Variants in KCNMB2 observed in about 807,000 individuals in gnomAD.
The protein encoded by KCNMB2 is potassium calcium-activated channel subfamily M regulatory beta subunit 2, also known as calcium-activated potassium channel subunit beta-2.
Under a neutral mutation model 24.5 loss-of-function variants are expected in KCNMB2, and 9 were observed. The ratio of observed to expected loss-of-function variants is 0.37; its 90% CI spans 0.22 to 0.64. KCNMB2 has a LOEUF of 0.64. Among genes scored for constraint, KCNMB2 ranks in the 30% least tolerant of loss-of-function variants. The pLI is 0.63. For missense variants in KCNMB2, 226 were observed against 284.3 expected (o/e 0.79, Z 1.47); for synonymous variants, 109 against 104.4 (o/e 1.04, Z -0.27).
Position 178,642,010 on chromosome 3 carries a change from A to C in KCNMB2, c.-68+105299A>C, listed in dbSNP as rs138222797. On this transcript the variant is annotated intron_variant, in intron 1 of 4. Transcript: ENST00000452583. ...TAAGCCATCTGGAGATTTTTATAAG[A>C]CTTACTAAATAGCTAGGATTTTGCC... Among the ~76,000 whole-genome samples, 76 of 152,256 alleles carry C rather than the reference A, an allele frequency of 5.0e-4. 1 individual carries two copies. The highest frequency in any genetic ancestry group is 1.7e-3 in the African/African-American group (72 of 41,568).
chr3:178,549,703 G>C (rs562343243), intron 1 of KCNMB2, among the ~76,000 whole-genome samples: 38 of 152,022 alleles, frequency 2.5e-4, no homozygotes, highest in Admixed American at 9.8e-4. Context: ...TCTAATGAGA[G>C]AGTTCTGTTA....
chr3:178,635,016 T>G (rs752100414), intron 1 of KCNMB2, among the ~76,000 whole-genome samples: 9 of 152,096 alleles, frequency 5.9e-5, no homozygotes, highest in Non-Finnish European at 8.8e-5. Flanking sequence ...GCTCCTGGAC[T>G]GTGGTGATGG....
intron 2 of KCNMB2, among the ~76,000 whole-genome samples, chr3:178,819,281 A>G (rs1714530347): frequency 1.3e-5 from 2 of 152,222 alleles, no homozygotes; most frequent in African/African-American, 4.8e-5. Flanking sequence ...ATTTAGCTAT[A>G]TACCACAAAT....
At chr3:178,645,285 G>A (rs1719882671) in intron 1 of KCNMB2, among the ~76,000 whole-genome samples, 1 of 151,888 alleles carries the variant, frequency 6.6e-6, no homozygotes, top group Admixed American at 6.6e-5. Flanking sequence ...CCCAACCTCA[G>A]GCAATCTGCC....
chr3:178,688,192 G>C (rs535718164), intron 1 of KCNMB2, among the ~76,000 whole-genome samples: 2 of 152,062 alleles, frequency 1.3e-5, no homozygotes. Context: ...TGAGTGCTCA[G>C]GTGAAAAATA....
intron 3 of KCNMB2, 139 bp from the exon 4 acceptor site, chr3:178,828,039 A>G (rs923728631): frequency 1.5e-6 from 1 of 676,476 alleles, no homozygotes; most frequent in Admixed American, 2.9e-5. Context: ...TCGAAGGCCT[A>G]AACTTTACAC....
chr3:178,833,994 A>G (rs1215959718), intron 4 of KCNMB2, among the ~76,000 whole-genome samples: 3 of 152,170 alleles, frequency 2.0e-5, no homozygotes, highest in Non-Finnish European at 4.4e-5. Flanking sequence ...TTGCTTGTGA[A>G]TACCTCAATG....
chr3:178,616,737 C>A (rs1718719625), intron 1 of KCNMB2, among the ~76,000 whole-genome samples: 1 of 152,164 alleles, frequency 6.6e-6, no homozygotes, highest in Non-Finnish European at 1.5e-5. Context: ...GCTTCTATCT[C>A]ACCATCTTGC....
At chr3:178,833,716 T>C (rs577440949) in intron 4 of KCNMB2, among the ~76,000 whole-genome samples, 3 of 152,194 alleles carry the variant, frequency 2.0e-5, no homozygotes, top group Non-Finnish European at 4.4e-5. Flanking sequence ...TCAATCTGTC[T>C]GCAACTTGGT....
intron 2 of KCNMB2, among the ~76,000 whole-genome samples, chr3:178,812,719 T>C (rs1714243553): frequency 6.6e-6 from 1 of 152,140 alleles, no homozygotes; most frequent in South Asian, 2.1e-4. Context: ...TCCCCATTGA[T>C]CTAAAAATCA....
At chr3:178,725,277 T>C (rs368381496) in intron 1 of KCNMB2, among the ~76,000 whole-genome samples, 1 of 152,070 alleles carries the variant, frequency 6.6e-6, no homozygotes, top group Admixed American at 6.6e-5. Flanking sequence ...TGTGTGGCTA[T>C]TGTAAATGAG....
At chr3:178,820,268 G>A (rs1175256060) in intron 2 of KCNMB2, among the ~76,000 whole-genome samples, 2 of 152,196 alleles carry the variant, frequency 1.3e-5, no homozygotes, top group Admixed American at 6.5e-5. Flanking sequence ...GGCCCTTGGC[G>A]TATCAGTTTG....
At chr3:178,643,821 G>A (rs1270297103) in intron 1 of KCNMB2, among the ~76,000 whole-genome samples, 1 of 152,158 alleles carries the variant, frequency 6.6e-6, no homozygotes, top group Non-Finnish European at 1.5e-5. Flanking sequence ...ATTGCCTGTT[G>A]TGATACCACT....
In KCNMB2 at chr3:178,581,369, A is replaced by C. The variant is rs368697592; in HGVS notation, c.-68+44658A>C. Among the ~76,000 whole-genome samples, 46 of 152,348 alleles carry C rather than the reference A, an allele frequency of 3.0e-4. No homozygotes were observed. In the South Asian group the frequency reaches 9.3e-3, roughly 31 times the overall value. On this transcript the variant is annotated intron_variant, in intron 1 of 4. Coordinates refer to ENST00000452583, the MANE Select transcript of KCNMB2 (RefSeq NM_181361.3). ...TACACGTTATACAAAAATTAACTCA[A>C]GATGGATTAAAGTCTTAAACATAAG...
intron 1 of KCNMB2, among the ~76,000 whole-genome samples, chr3:178,622,043 T>C (rs774154834): frequency 6.6e-6 from 1 of 152,238 alleles, no homozygotes; most frequent in Admixed American, 6.5e-5. Context: ...TAAAATAAGA[T>C]ATTGTTGCTT....
intron 1 of KCNMB2, among the ~76,000 whole-genome samples, chr3:178,806,854 T>C (rs143214993): frequency 4.6e-5 from 7 of 152,210 alleles, no homozygotes; most frequent in South Asian, 2.1e-4. Flanking sequence ...TGCCACAACA[T>C]TGGCAAAAGT....
Position 178,807,348 on chromosome 3 carries a change from T to C in KCNMB2, c.-62T>C. The stretch of plus-strand genomic sequence containing the variant: ...TCATTGTGTACCTCTTCTAGGTCTT[T>C]TTGCCATTCCTCCAGGACATCCACC... On this transcript the variant is annotated 5_prime_UTR_variant, in exon 2 of 5. Transcript: ENST00000452583. The C allele has an allele frequency of 7.1e-7, 1 of 1,416,584 alleles. No individual in the cohort carries two copies. Among genetic ancestry groups the C allele is most frequent in the Non-Finnish European group, 1.0e-6 (1 of 1,004,956 alleles). 87.8% of individuals were successfully genotyped at this position (1,416,584 alleles called of 1,614,324 possible).
At chr3:178,569,333 CAT>C (rs1716684042) in intron 1 of KCNMB2, among the ~76,000 whole-genome samples, 1 of 152,248 alleles carries the variant, frequency 6.6e-6, no homozygotes, top group East Asian at 1.9e-4. Context: ...TGGTTAGAAA[CAT>C]AGCACATTCT....
intron 1 of KCNMB2, among the ~76,000 whole-genome samples, chr3:178,549,474 C>CTTTTTTT (rs1237618463): frequency 2.2e-3 from 210 of 94,568 alleles, no homozygotes; most frequent in South Asian, 3.7e-3. Context: ...CAATGCCCAG[C>CTTTTTTT]TTTTTTTTTT....
Sources: gnomAD v4.1 joint callset for allele counts (sites outside exome capture counted in the v4.1 genomes callset) on GRCh38, gnomAD v4.1.1 for gene constraint, MANE v1.5 for transcripts, NCBI Gene and HGNC (gene_info 2026-07-23, HGNC 2026-07-21) for gene names.